The following CSMD2 variants were observed in gnomAD, a reference collection of about 807,000 sequenced individuals.
The protein encoded by CSMD2 is CUB and sushi domain-containing protein 2.
A neutral mutation model predicts 398.5 loss-of-function variants in CSMD2; 130 were observed. That is an observed-to-expected ratio of 0.33 (90% CI 0.28 to 0.38). The LOEUF (loss-of-function observed/expected upper bound fraction) is 0.38. Among genes scored for constraint, CSMD2 ranks in the 10% least tolerant of loss-of-function variants. CSMD2 has a pLI of 1.00. For synonymous variants in CSMD2, 1,828 were observed against 1,908.5 expected (o/e 0.96, Z 1.10); for missense variants, 3,829 against 4,764.9 (o/e 0.80, Z 5.78).
chr1:34,114,785 T>C (rs868283542), intron 1 of CSMD2, among the ~76,000 whole-genome samples: 2 of 152,076 alleles, frequency 1.3e-5, no homozygotes, highest in African/African-American at 4.8e-5. Flanking sequence ...GACAAAGAAT[T>C]CAAAATCATT....
At chr1:33,792,273 G>A in intron 11 of CSMD2, 150 bp downstream of exon 11, 1 of 648,848 alleles carries the variant, frequency 1.5e-6, no homozygotes, top group South Asian at 1.8e-5. Context: ...AGTAGAGAGA[G>A]GTAGAAGGAT....
At chr1:33,714,520 C>A in intron 21 of CSMD2, 67 bp downstream of exon 21, 1 of 1,544,458 alleles carries the variant, frequency 6.5e-7, no homozygotes, top group South Asian at 1.2e-5. Context: ...TCCACCACCT[C>A]ACATCAATTG....
At chr1:33,847,080 CT>C in intron 5 of CSMD2, 84 bp from the exon 6 acceptor site, 1 of 884,310 alleles carries the variant, frequency 1.1e-6, no homozygotes. Context: ...CTCCACTTCC[CT>C]TGAGTGCCAA....
intron 6 of CSMD2, chr1:33,839,059 A>G (rs1175944005): frequency 1.3e-5 from 2 of 152,276 alleles, no homozygotes; most frequent in Non-Finnish European, 2.9e-5. Context: ...CAAATCAGCA[A>G]TATCATTTCT....
intron 3 of CSMD2, among the ~76,000 whole-genome samples, chr1:33,977,527 T>C (rs1646011336): frequency 1.3e-5 from 2 of 151,984 alleles, no homozygotes; most frequent in Non-Finnish European, 2.9e-5. Flanking sequence ...TCAGTGGTGC[T>C]CTGTTGCCTG....
intron 15 of CSMD2, among the ~76,000 whole-genome samples, chr1:33,736,601 G>C (rs1184591704): frequency 6.6e-6 from 1 of 152,208 alleles, no homozygotes; most frequent in Non-Finnish European, 1.5e-5. Flanking sequence ...AAGAGCACTT[G>C]ATTCAGGAGG....
chr1:34,121,122 G>A (rs1290771814), intron 1 of CSMD2, among the ~76,000 whole-genome samples: 3 of 152,202 alleles, frequency 2.0e-5, no homozygotes, highest in African/African-American at 7.2e-5. Flanking sequence ...GGTGCACAAT[G>A]AATAGTTGTT....
In CSMD2 at chr1:33,602,445, C is replaced by T. The variant is rs377332221; in HGVS notation, c.6634G>A (p.Val2212Met). The T allele has an allele frequency of 6.2e-7, 1 of 1,613,958 alleles. No homozygotes were observed. Among genetic ancestry groups the T allele is most frequent in the Non-Finnish European group, 8.5e-7 (1 of 1,179,984 alleles). Reference sequence around the variant, plus strand: ...AGGCGGACGCCATGGCCAATGGGCACGGTGATCAGCCAGACACAGTCCTGG... The same window carrying T: ...AGGCGGACGCCATGGCCAATGGGCATGGTGATCAGCCAGACACAGTCCTGG... Reference protein sequence around the residue: ...SSQDCVWLITVPIGHGVRLNL... With the variant: ...SSQDCVWLITMPIGHGVRLNL... The change falls in exon 43 of 71, where the codon GTG becomes ATG. Residue 2212 changes from valine (V) to methionine (M), a missense_variant. Physicochemically the swap from Val to Met is conservative, Grantham distance 21. Transcript: ENST00000373381.
intron 25 of CSMD2, among the ~76,000 whole-genome samples, chr1:33,676,856 G>A (rs1169281461): frequency 6.6e-6 from 1 of 152,096 alleles, no homozygotes; most frequent in African/African-American, 2.4e-5. Flanking sequence ...ACAAGCAATG[G>A]GGAAAGGATT....
chr1:33,794,793 G>A lies in CSMD2; in HGVS notation c.1447-2267C>T, dbSNP rs553212047. 6.9e-4 allele frequency among the ~76,000 whole-genome samples: 105 copies of A among 152,226 alleles called. 1 individual carries two copies. Among genetic ancestry groups the A allele is most frequent in the African/African-American group, 1.9e-3 (80 of 41,536 alleles). ...GAGCCTGTAGCAAGTTCTAGATGAGGCAGGGTGTGGACCTGTAGCAAGGTC... is the reference window on the plus strand; with the variant it reads ...GAGCCTGTAGCAAGTTCTAGATGAGACAGGGTGTGGACCTGTAGCAAGGTC... On this transcript the variant is annotated intron_variant, in intron 10 of 70. Transcript: ENST00000373381.
intron 3 of CSMD2, among the ~76,000 whole-genome samples, chr1:33,949,168 A>C (rs1202212037): frequency 6.6e-6 from 1 of 152,246 alleles, no homozygotes; most frequent in Non-Finnish European, 1.5e-5. Context: ...AGCTGTTGAG[A>C]GGATTAAGTC....
At chr1:33,544,499 T>G (rs1231528679) in intron 57 of CSMD2, among the ~76,000 whole-genome samples, 2 of 152,114 alleles carry the variant, frequency 1.3e-5, no homozygotes, top group Non-Finnish European at 2.9e-5. Context: ...TAATGGAGAA[T>G]GGACCACAAT....
At chr1:33,545,312 G>A (rs769764575) in intron 57 of CSMD2, among the ~76,000 whole-genome samples, 15 of 152,286 alleles carry the variant, frequency 9.8e-5, no homozygotes, top group Non-Finnish European at 2.2e-4. Flanking sequence ...AGGAATATAT[G>A]GAAAAATGAT....
chr1:33,829,860 C>A (rs1254672524), intron 6 of CSMD2, among the ~76,000 whole-genome samples: 1 of 152,116 alleles, frequency 6.6e-6, no homozygotes, highest in African/African-American at 2.4e-5. Context: ...GATTATATTC[C>A]GCACCTAGCT....
intron 10 of CSMD2, among the ~76,000 whole-genome samples, chr1:33,796,573 G>A (rs1444621327): frequency 1.3e-5 from 2 of 152,148 alleles, no homozygotes; most frequent in Non-Finnish European, 2.9e-5. Flanking sequence ...TAAGCTGAGA[G>A]TATACATCAC....
intron 3 of CSMD2, among the ~76,000 whole-genome samples, chr1:33,961,750 TCTTTCTCC>T (rs1275239845): frequency 1.3e-5 from 2 of 152,110 alleles, no homozygotes; most frequent in African/African-American, 2.4e-5. Context: ...TCCCTTTCTC[TCTTTCTCC>T]CTCTCTTGCC....
At chr1:34,035,657 C>T (rs1257654806) in intron 2 of CSMD2, among the ~76,000 whole-genome samples, 1 of 145,930 alleles carries the variant, frequency 6.9e-6, no homozygotes, top group Non-Finnish European at 1.5e-5. Flanking sequence ...ATTTCAACAC[C>T]CGTTTGTAGT....
intron 5 of CSMD2, among the ~76,000 whole-genome samples, chr1:33,860,033 C>T (rs1033878783): frequency 3.3e-5 from 5 of 152,180 alleles, no homozygotes; most frequent in Non-Finnish European, 5.9e-5. Flanking sequence ...ACCCCGATTC[C>T]CTAATGTTGG....
intron 53 of CSMD2, among the ~76,000 whole-genome samples, chr1:33,565,226 C>T (rs1282870702): frequency 6.6e-6 from 1 of 152,108 alleles, no homozygotes; most frequent in Non-Finnish European, 1.5e-5. Context: ...TATGAATATA[C>T]TGAAAACAAA....
Sources: allele counts gnomAD v4.1 joint callset (sites outside exome capture counted in the v4.1 genomes callset), GRCh38; gene constraint gnomAD v4.1.1; transcripts MANE v1.5; gene names NCBI Gene and HGNC (gene_info 2026-07-23, HGNC 2026-07-21).